The following GATA4 variants were observed in gnomAD, a reference collection of about 807,000 sequenced individuals.
GATA4 encodes the protein transcription factor GATA-4.
GATA4 carries 7 observed loss-of-function variants against 37.9 expected under a neutral mutation model. That is an observed-to-expected ratio of 0.18 (90% confidence interval 0.11 to 0.35). The LOEUF is 0.35. Ranked by LOEUF, GATA4 falls within the 10% of genes least tolerant of loss-of-function variation. The pLI is 1.00. For synonymous variants in GATA4, 372 were observed against 292.6 expected, an observed-to-expected ratio of 1.27 and a Z score of -2.77; for missense variants, 647 against 653.0, an observed-to-expected ratio of 0.99 and a Z score of 0.10.
At chr8:11,692,967 G>C in intron 1 of GATA4, 3 of 985,300 alleles carry the variant, frequency 3.0e-6, no homozygotes, top group Non-Finnish European at 2.4e-6. Flanking sequence ...GCCAGGCGCC[G>C]GCCCCGCGGC....
At position 11,757,076 on chromosome 8, in the gene GATA4, T is replaced by A. The variant is rs1318458920; in HGVS notation, c.1142T>A (p.Val381Glu). ...TCTCACTACGGGCACAGCAGCTCCG[T>A]GTCCCAGGTACGCGCCATGGCTGGG... ...LSSHYGHSSSVSQTFSVSAMS... is the reference protein window; with the variant it reads ...LSSHYGHSSSESQTFSVSAMS... The change falls in exon 6 of 7, where the codon GTG becomes GAG. Residue 381 changes from valine (V) to glutamate (E), a missense_variant. By Grantham distance (121) the Val-to-Glu change is moderately radical. Transcript: ENST00000532059. The A allele has an allele frequency of 6.2e-7, 1 of 1,613,934 alleles. No homozygotes were observed. The highest frequency in any genetic ancestry group is 2.2e-5 in the East Asian group (1 of 44,898).
At chr8:11,694,551 C>A (rs996329126) in intron 1 of GATA4, 9 of 980,188 alleles carry the variant, frequency 9.2e-6, no homozygotes, top group Non-Finnish European at 9.7e-6. Flanking sequence ...CAAGCTCTCC[C>A]AGGGTGAGGG....
At chr8:11,730,724 G>C (rs1801164371) in intron 2 of GATA4, among the ~76,000 whole-genome samples, 1 of 152,212 alleles carries the variant, frequency 6.6e-6, no homozygotes, top group Non-Finnish European at 1.5e-5. Context: ...TGCTGCCCTG[G>C]CATTGTTTTG....
chr8:11,680,753 C>T, intron 1 of GATA4: 1 of 985,374 alleles, frequency 1.0e-6, no homozygotes, highest in Non-Finnish European at 1.2e-6. Flanking sequence ...AGCCCGGCTT[C>T]TGCGCACCCC....
In GATA4 at chr8:11,734,508, CAG is replaced by C. The variant is rs202150182; in HGVS notation, c.617-14405_617-14404del. On this transcript the variant is annotated intron_variant, in intron 2 of 6. Transcript: ENST00000532059. Reference sequence around the variant, plus strand: ...GTCTTTTCTTTTCTTTTTTTTGAGGCAGAGTTTTGCTCTTGTTGCCCAGGCTG... The same window carrying C: ...GTCTTTTCTTTTCTTTTTTTTGAGGCAGTTTTGCTCTTGTTGCCCAGGCTG... Among the ~76,000 whole-genome samples, 307 of 152,156 alleles carry C rather than the reference CAG, an allele frequency of 2.0e-3. 4 individuals are homozygous for C. The highest frequency in any genetic ancestry group is 0.014 in the Admixed American group (214 of 15,284).
chr8:11,679,170 G>T (rs1008686904), intron 1 of GATA4, among the ~76,000 whole-genome samples: 4 of 59,386 alleles, frequency 6.7e-5, no homozygotes, highest in African/African-American at 1.6e-4. Flanking sequence ...GCAATTATCC[G>T]AATAATTGCG....
chr8:11,708,361 G>A lies in GATA4; in HGVS notation c.49G>A (p.Ala17Thr). 1.3e-6 allele frequency: 2 copies of A among 1,577,414 alleles called. No individual in the cohort carries two copies. The highest frequency in any genetic ancestry group is 1.7e-6 in the Non-Finnish European group (2 of 1,169,768). The change falls in exon 2 of 7, where the codon GCC (alanine) becomes ACC (threonine). Residue 17 changes from alanine (A) to threonine (T), a missense_variant. Transcript: ENST00000532059. This position sits in a 1 kb window ranked among gnomAD's most constrained non-coding sequence, Gnocchi z 6.7. ...CGCCAACCACGGGCCGCCCCCCGGT[G>A]CCTACGAGGCGGGCGGCCCCGGCGC... ...MAANHGPPPGAYEAGGPGAFM... is the reference protein window; with the variant it reads ...MAANHGPPPGTYEAGGPGAFM...
Position 11,757,097 on chromosome 8 carries a change from C to T in GATA4, c.1149+14C>T. 6.2e-7 allele frequency: 1 copy of T among 1,613,078 alleles called. No individual in the cohort carries two copies. Among genetic ancestry groups the T allele is most frequent in the Non-Finnish European group, 8.5e-7 (1 of 1,179,230 alleles). The stretch of plus-strand genomic sequence containing the variant: ...TCCGTGTCCCAGGTACGCGCCATGG[C>T]TGGGGCGCCAGGGCTGTTTGTGGGG... On this transcript the variant is annotated intron_variant, in intron 6 of 6. Transcript: ENST00000532059.
chr8:11,735,507 C>T (rs1437291288), intron 2 of GATA4, among the ~76,000 whole-genome samples: 2 of 152,130 alleles, frequency 1.3e-5, no homozygotes, highest in African/African-American at 4.8e-5. Flanking sequence ...CCACCTCTGC[C>T]CCTGGAGATG....
intron 4 of GATA4, among the ~76,000 whole-genome samples, chr8:11,751,248 G>A (rs1004333640): frequency 1.3e-5 from 2 of 152,098 alleles, no homozygotes; most frequent in African/African-American, 4.8e-5. Context: ...AATTTTTATT[G>A]GAACATTCTC....
chr8:11,750,100 C>T lies in GATA4; in HGVS notation c.787-11C>T, dbSNP rs1802226812. ...TACTTGGACATGAAGCATTTGTTTC[C>T]TGTCTTGCAGTCCGCCTCCCGCCGA... On this transcript the variant is annotated splice_polypyrimidine_tract_variant and intron_variant, in intron 3 of 6. Transcript: ENST00000532059. 2 of 1,614,114 alleles carry T rather than the reference C, an allele frequency of 1.2e-6. No homozygotes were observed. The highest frequency in any genetic ancestry group is 2.2e-5 in the South Asian group (2 of 91,090).
At chr8:11,697,844 C>T (rs1447567130) in intron 1 of GATA4, 1 of 985,290 alleles carries the variant, frequency 1.0e-6, no homozygotes, top group East Asian at 1.1e-4. Context: ...CACCACGGGG[C>T]GGAGGAGGGA....
At chr8:11,744,164 G>C (rs767796959) in intron 2 of GATA4, among the ~76,000 whole-genome samples, 1 of 152,116 alleles carries the variant, frequency 6.6e-6, no homozygotes, top group Non-Finnish European at 1.5e-5. Flanking sequence ...CAGTCTCCTA[G>C]CTCTTTTATC....
intron 2 of GATA4, among the ~76,000 whole-genome samples, chr8:11,731,435 G>A (rs889504663): frequency 1.3e-5 from 2 of 152,210 alleles, no homozygotes; most frequent in Non-Finnish European, 2.9e-5. Flanking sequence ...TACAACAGAT[G>A]AATCCTGAAG....
chr8:11,731,862 G>A (rs553745340), intron 2 of GATA4, among the ~76,000 whole-genome samples: 2 of 152,234 alleles, frequency 1.3e-5, no homozygotes, highest in Admixed American at 1.3e-4. Context: ...GGCCAAAGGT[G>A]TAAGTAGCAT....
intron 2 of GATA4, among the ~76,000 whole-genome samples, chr8:11,723,306 T>C (rs570993588): frequency 6.6e-6 from 1 of 151,888 alleles, no homozygotes; most frequent in African/African-American, 2.4e-5. Flanking sequence ...CAGTGACTCA[T>C]GGTCCAACCA....
rs145742925 is a variant in GATA4, at chr8:11,735,534, G to A, written c.617-13382G>A. Reference sequence around the variant, plus strand: ...CTGGAGATGGGATCATGGTGATGGTGGAGACTTTTTGTTTGTTTGTTTGTT... The same window carrying A: ...CTGGAGATGGGATCATGGTGATGGTAGAGACTTTTTGTTTGTTTGTTTGTT... On this transcript the variant is annotated intron_variant, in intron 2 of 6. Coordinates refer to ENST00000532059, the MANE Select transcript of GATA4 (RefSeq NM_001308093.3). Among the ~76,000 whole-genome samples the A allele has an allele frequency of 1.6e-3, 237 of 152,290 alleles. 1 individual carries two copies. The highest frequency in any genetic ancestry group is 5.4e-3 in the African/African-American group (223 of 41,554).
In GATA4 at chr8:11,709,819, A is replaced by G. The variant is rs1800091690; in HGVS notation, c.616+891A>G. Among the ~76,000 whole-genome samples, 1 of 152,150 alleles carries G rather than the reference A, an allele frequency of 6.6e-6. No individual in the cohort carries two copies. Among genetic ancestry groups the G allele is most frequent in the African/African-American group, 2.4e-5 (1 of 41,430 alleles). ...CCTCCACTGATTCACAAATAAACGC[A>G]GCGGGATCTGAGAAGGGGCCTGAGT... On this transcript the variant is annotated intron_variant, in intron 2 of 6. Transcript: ENST00000532059. The surrounding 1 kb of genome is among the most constrained non-coding windows in gnomAD (Gnocchi z 4.3).
At chr8:11,744,285 T>G (rs1318996681) in intron 2 of GATA4, among the ~76,000 whole-genome samples, 5 of 152,358 alleles carry the variant, frequency 3.3e-5, no homozygotes, top group African/African-American at 1.2e-4. Flanking sequence ...TGTTATCTCA[T>G]TTGATGTTTG....
Sources: allele counts gnomAD v4.1 joint callset (sites outside exome capture counted in the v4.1 genomes callset), GRCh38; gene constraint gnomAD v4.1.1; non-coding constraint Gnocchi (gnomAD v3.1); transcripts MANE v1.5; gene names NCBI Gene and HGNC (gene_info 2026-07-23, HGNC 2026-07-21).